The following NBPF12 variants were observed in gnomAD, a reference collection of about 807,000 sequenced individuals.
NBPF12 encodes the protein NBPF member 12.
In NBPF12, 115 loss-of-function variants were observed where a neutral mutation model predicts 146.4. The observed-to-expected ratio is 0.79, with a 90% CI of 0.68 to 0.92. The LOEUF (loss-of-function observed/expected upper bound fraction) is 0.92, where lower values mean the gene tolerates loss of function less well. NBPF12 is among the 40% of genes least tolerant of loss of function. The pLI, the probability that NBPF12 is intolerant of heterozygous loss-of-function variation, is 0.00. For missense variants in NBPF12, 1,205 were observed against 1,326.8 expected, an observed-to-expected ratio of 0.91 and a Z score of 1.43; for synonymous variants, 385 against 508.9, an observed-to-expected ratio of 0.76 and a Z score of 3.28.
At chr1:146,994,243 C>G in intron 33 of NBPF12, 89 bp from the exon 37 acceptor site, 7 of 1,609,296 alleles carry the variant, frequency 4.3e-6, no homozygotes, top group South Asian at 1.1e-5. Context: ...CTTTTCTAAC[C>G]ACTTCCTTAT....
intron 9 of NBPF12, among the ~76,000 whole-genome samples, chr1:146,967,872 C>T (rs1559521953): frequency 2.2e-5 from 3 of 133,804 alleles, no homozygotes; most frequent in South Asian, 4.5e-4. Flanking sequence ...TTAACAGAAA[C>T]TTCATTAGCA....
At chr1:146,945,504 G>T (rs1273528203), upstream of NBPF12, among the ~76,000 whole-genome samples, 2 of 151,936 alleles carry the variant, frequency 1.3e-5, no homozygotes, top group East Asian at 3.9e-4. Context: ...AATGGCATAG[G>T]CGTTGAAATC....
Position 146,965,500 on chromosome 1 carries a change from T to C in NBPF12, c.778+396T>C, listed in dbSNP as rs1553885503. 5.7e-3 allele frequency among the ~76,000 whole-genome samples: 866 copies of C among 150,984 alleles called. 19 individuals are homozygous for C. Among genetic ancestry groups the C allele is most frequent in the African/African-American group, 0.02 (819 of 40,622 alleles). On this transcript the variant is annotated intron_variant, in intron 8 of 33. Coordinates refer to ENST00000617844, the Ensembl canonical transcript of NBPF12. The stretch of plus-strand genomic sequence containing the variant: ...GCTTGTCTTAGCTATTAATAAGTCT[T>C]GGCTGGGCACAGTGGGTTCCACCTG...
intron 2 of NBPF12, among the ~76,000 whole-genome samples, chr1:146,957,941 T>A (rs1373601770): frequency 8.5e-6 from 1 of 118,040 alleles, no homozygotes; most frequent in Non-Finnish European, 1.8e-5. Context: ...TATTCGTGTG[T>A]GTATATATAT....
chr1:146,964,324 G>A (rs1656053101), intron 6 of NBPF12, 33 bp from the exon 10 acceptor site: 10 of 1,599,722 alleles, frequency 6.3e-6, no homozygotes, highest in East Asian at 2.2e-5. Context: ...ATGTGAAGTG[G>A]GACATATCTG....
chr1:146,980,092 A>G (rs1478985553), intron 19 of NBPF12, among the ~76,000 whole-genome samples: 23 of 150,806 alleles, frequency 1.5e-4, no homozygotes, highest in African/African-American at 2.5e-5. Context: ...CTCTTTTGAT[A>G]TTTGTTGGTT....
intron 8 of NBPF12, among the ~76,000 whole-genome samples, chr1:146,965,564 C>G (rs1481314582): frequency 2.0e-5 from 3 of 148,388 alleles, no homozygotes; most frequent in Admixed American, 6.7e-5. Context: ...GGGTGGATCA[C>G]GAGGTCAGGA....
At chr1:146,973,006 T>G in intron 14 of NBPF12, 46 bp downstream of exon 17, 1 of 856,168 alleles carries the variant, frequency 1.2e-6, no homozygotes, top group Non-Finnish European at 2.0e-6. Flanking sequence ...AACGAAGTCC[T>G]GTCTTCTCTC....
intron 1 of NBPF12, among the ~76,000 whole-genome samples, chr1:146,949,928 C>G (rs1257693164): frequency 6.6e-6 from 1 of 151,826 alleles, no homozygotes; most frequent in African/African-American, 2.4e-5. Flanking sequence ...ACCAGCCACA[C>G]AAAGCTCTGT....
chr1:146,964,969 C>A, exon 8 of NBPF12: 2 of 1,606,776 alleles, frequency 1.2e-6, no homozygotes, highest in Non-Finnish European at 1.7e-6. Context: ...TTCAAATAGC[C>A]ACGGCCCTTG....
At chr1:146,956,454 G>A (rs1197093811) in intron 2 of NBPF12, among the ~76,000 whole-genome samples, 1 of 151,602 alleles carries the variant, frequency 6.6e-6, no homozygotes, top group African/African-American at 2.4e-5. Flanking sequence ...TTGTAAACGT[G>A]CATTGAATTA....
exon 9 of NBPF12, chr1:146,966,479 C>T: frequency 7.1e-7 from 1 of 1,402,604 alleles, no homozygotes; most frequent in South Asian, 1.2e-5. Context: ...GGCCCCACCT[C>T]TTCTGCCACA....
rs1298003599 is a variant in NBPF12 at position 146,994,277 on chromosome 1, C to G, written c.4131-55C>G. 5 of 1,610,968 alleles carry G rather than the reference C, an allele frequency of 3.1e-6. No individual in the cohort carries two copies. In the African/African-American group the frequency reaches 5.4e-5, roughly 17 times the overall value. On this transcript the variant is annotated intron_variant, in intron 33 of 33. Transcript: ENST00000617844. The stretch of plus-strand genomic sequence containing the variant: ...ATGTTACTTCTGAAATCTAGTGAGG[C>G]TCTGTGGTGTCTGACTTTCCCTGGC...
At chr1:146,973,746 C>T (rs1656809728) in intron 14 of NBPF12, among the ~76,000 whole-genome samples, 1 of 146,818 alleles carries the variant, frequency 6.8e-6, no homozygotes, top group African/African-American at 2.6e-5. Context: ...CAAGATTTTG[C>T]CGTTGCACTC....
At chr1:146,944,298 C>T (rs1203146805) in intron 2 of NBPF12, among the ~76,000 whole-genome samples, 19 of 139,312 alleles carry the variant, frequency 1.4e-4, no homozygotes, top group African/African-American at 3.7e-4. Context: ...CACTACCCCA[C>T]GGAACCCACC....
At chr1:146,953,331 G>A (rs1463997697) in intron 2 of NBPF12, among the ~76,000 whole-genome samples, 4 of 143,062 alleles carry the variant, frequency 2.8e-5, no homozygotes, top group African/African-American at 1.1e-4. Context: ...ACCTGTTGGA[G>A]TCACCATAGT....
intron 2 of NBPF12, among the ~76,000 whole-genome samples, chr1:146,943,910 T>C (rs1231571984): frequency 2.8e-5 from 4 of 144,052 alleles, no homozygotes; most frequent in Admixed American, 7.0e-5. Context: ...CCTGCTGTCC[T>C]CTTTCACCTG....
intron 2 of NBPF12, among the ~76,000 whole-genome samples, chr1:146,944,089 A>C (rs1319879108): frequency 1.7e-5 from 2 of 116,326 alleles, no homozygotes; most frequent in Non-Finnish European, 3.5e-5. Context: ...AATGGGTTAA[A>C]AGAGAGACCA....
intron 32 of NBPF12, 34 bp downstream of exon 35, chr1:146,992,918 ACT>A (rs1658294088): frequency 1.8e-6 from 1 of 563,292 alleles, no homozygotes; most frequent in Non-Finnish European, 3.1e-6. Flanking sequence ...ATAAGGATCC[ACT>A]GAGTCTTCCA....
Sources: gnomAD v4.1 joint callset for allele counts (sites outside exome capture counted in the v4.1 genomes callset) on GRCh38, gnomAD v4.1.1 for gene constraint, MANE v1.5 for transcripts, NCBI Gene and HGNC (gene_info 2026-07-23, HGNC 2026-07-21) for gene names.